BABAM2: variants seen among roughly 807,000 people sequenced by gnomAD.
The protein encoded by BABAM2 is BRISC and BRCA1 A complex member 2, also known as BRISC and BRCA1-A complex member 2.
A neutral mutation model predicts 54.7 loss-of-function variants in BABAM2; 31 were observed. That is an observed-to-expected ratio of 0.57 (90% CI 0.43 to 0.77). The LOEUF is 0.77. Ranked by LOEUF, BABAM2 falls within the 30% of genes least tolerant of loss-of-function variation. The pLI, the probability that BABAM2 is intolerant of heterozygous loss-of-function variation, is 0.00. For synonymous variants in BABAM2, 167 were observed against 162.9 expected (o/e 1.03, Z -0.19); for missense variants, 364 against 455.8 (o/e 0.80, Z 1.83).
At chr2:28,017,466 CACTATT>C (rs1346289370) in intron 4 of BABAM2, among the ~76,000 whole-genome samples, 10 of 152,264 alleles carry the variant, frequency 6.6e-5, no homozygotes, top group Middle Eastern at 3.4e-3. Context: ...TTACCTAATG[CACTATT>C]ACTAAGTTGT....
intron 10 of BABAM2, among the ~76,000 whole-genome samples, chr2:28,274,622 G>C (rs1685711237): frequency 6.6e-6 from 1 of 152,112 alleles, no homozygotes; most frequent in Non-Finnish European, 1.5e-5. Flanking sequence ...AGTAGAGACA[G>C]GGTTTTGCCA....
chr2:28,300,799 TTATG>T (rs545079110), intron 11 of BABAM2, among the ~76,000 whole-genome samples: 337 of 152,314 alleles, frequency 2.2e-3, no homozygotes, highest in Non-Finnish European at 3.4e-3. Context: ...GACATTTGCT[TTATG>T]TTAACACCAG....
chr2:28,239,394 C>G (rs1251504906), intron 8 of BABAM2, among the ~76,000 whole-genome samples: 1 of 152,176 alleles, frequency 6.6e-6, no homozygotes, highest in African/African-American at 2.4e-5. Flanking sequence ...TCTCTCCTTC[C>G]CACTGTTTCT....
At chr2:28,198,421 C>T (rs1425418486) in intron 7 of BABAM2, among the ~76,000 whole-genome samples, 2 of 152,154 alleles carry the variant, frequency 1.3e-5, no homozygotes, top group Non-Finnish European at 2.9e-5. Context: ...CCACCTCAGC[C>T]TCCCAAAGTG....
intron 6 of BABAM2, among the ~76,000 whole-genome samples, chr2:28,062,078 C>A (rs1037661280): frequency 1.3e-5 from 2 of 151,882 alleles, no homozygotes; most frequent in African/African-American, 2.4e-5. Context: ...GCCAACGTGG[C>A]AAAACCCTTT....
intron 4 of BABAM2, among the ~76,000 whole-genome samples, chr2:28,020,770 A>C (rs1675183898): frequency 6.6e-6 from 1 of 152,152 alleles, no homozygotes; most frequent in Non-Finnish European, 1.5e-5. Flanking sequence ...TTTTTAAAAC[A>C]GTTCTTATTA....
chr2:28,147,130 G>A (rs569354114), intron 7 of BABAM2, among the ~76,000 whole-genome samples: 3 of 152,270 alleles, frequency 2.0e-5, no homozygotes, highest in South Asian at 2.1e-4. Flanking sequence ...GCAGGCCTAC[G>A]TAGTCCCTGA....
intron 6 of BABAM2, among the ~76,000 whole-genome samples, chr2:28,075,548 TTCTCTG>T (rs1312290271): frequency 6.7e-6 from 1 of 148,256 alleles, no homozygotes; most frequent in African/African-American, 2.5e-5. Context: ...CTCTCTCTCT[TTCTCTG>T]TGCATGTGTG....
chr2:28,079,804 A>G (rs1045109444), intron 6 of BABAM2, among the ~76,000 whole-genome samples: 1 of 152,290 alleles, frequency 6.6e-6, no homozygotes, highest in Admixed American at 6.5e-5. Context: ...TGTCATAGAC[A>G]TTAGAAAATA....
At chr2:28,217,039 C>T (rs1450533244) in intron 7 of BABAM2, among the ~76,000 whole-genome samples, 1 of 152,194 alleles carries the variant, frequency 6.6e-6, no homozygotes, top group African/African-American at 2.4e-5. Flanking sequence ...GAGAGGCTTT[C>T]CCCGATTGCC....
intron 7 of BABAM2, among the ~76,000 whole-genome samples, chr2:28,235,646 TTTTGTTTG>T (rs369010050): frequency 4.2e-4 from 64 of 151,718 alleles, no homozygotes; most frequent in Admixed American, 1.8e-3. Context: ...TAAACTCTTT[TTTTGTTTG>T]TTTGTTTGTT....
At chr2:28,279,225 T>C (rs1686135701) in intron 10 of BABAM2, among the ~76,000 whole-genome samples, 1 of 152,132 alleles carries the variant, frequency 6.6e-6, no homozygotes, top group African/African-American at 2.4e-5. Flanking sequence ...TTGCTTTCTC[T>C]GCCACCACCA....
intron 2 of BABAM2, among the ~76,000 whole-genome samples, chr2:27,917,198 A>G (rs1436388300): frequency 2.0e-5 from 3 of 151,688 alleles, no homozygotes; most frequent in Non-Finnish European, 4.4e-5. Flanking sequence ...TTGTATTTTT[A>G]GTAGAGATGG....
chr2:28,229,961 A>G (rs1278370847), intron 7 of BABAM2, among the ~76,000 whole-genome samples: 1 of 152,136 alleles, frequency 6.6e-6, no homozygotes, highest in Admixed American at 6.5e-5. Context: ...ACTTTTTTAG[A>G]CTTTGCTCCA....
chr2:28,154,602 A>G (rs1165979888), intron 7 of BABAM2, among the ~76,000 whole-genome samples: 6 of 152,090 alleles, frequency 3.9e-5, no homozygotes, highest in Non-Finnish European at 7.4e-5. Context: ...TGGTGCCTTC[A>G]TTTGCCTTTC....
chr2:28,124,872 A>C (rs1669371365), intron 6 of BABAM2, among the ~76,000 whole-genome samples: 1 of 152,242 alleles, frequency 6.6e-6, no homozygotes, highest in Non-Finnish European at 1.5e-5. Flanking sequence ...GCAGTTATAG[A>C]ATCTCAGAGT....
intron 4 of BABAM2, among the ~76,000 whole-genome samples, chr2:27,996,707 G>A (rs933298727): frequency 6.6e-6 from 1 of 152,160 alleles, no homozygotes; most frequent in Non-Finnish European, 1.5e-5. Flanking sequence ...GCAGTTTTGT[G>A]ACTGTGCATA....
chr2:28,023,910 A>G (rs1439522254), intron 4 of BABAM2, among the ~76,000 whole-genome samples: 1 of 152,158 alleles, frequency 6.6e-6, no homozygotes, highest in Non-Finnish European at 1.5e-5. Flanking sequence ...GGGTCTGCAA[A>G]GTCAAAACTG....
intron 11 of BABAM2, among the ~76,000 whole-genome samples, chr2:28,334,758 T>A (rs1347215563): frequency 6.6e-6 from 1 of 152,118 alleles, no homozygotes; most frequent in African/African-American, 2.4e-5. Flanking sequence ...CAGTTGACTG[T>A]CTCCTCCCAC....
Sources: allele counts gnomAD v4.1 joint callset (sites outside exome capture counted in the v4.1 genomes callset), GRCh38; gene constraint gnomAD v4.1.1; transcripts MANE v1.5; gene names NCBI Gene and HGNC (gene_info 2026-07-23, HGNC 2026-07-21).